MYSM1: variants seen among roughly 807,000 people sequenced by gnomAD.
MYSM1 encodes the protein Myb like, SWIRM and MPN domains 1, also known as deubiquitinase MYSM1.
Under a neutral mutation model 116.0 loss-of-function variants are expected in MYSM1, and 51 were observed. That is an observed-to-expected ratio of 0.44 (90% CI 0.35 to 0.56). MYSM1 has a LOEUF of 0.56. Among genes scored for constraint, MYSM1 ranks in the 20% least tolerant of loss-of-function variants. MYSM1 has a pLI of 0.00. For synonymous variants in MYSM1, 313 were observed against 315.2 expected (o/e 0.99, Z 0.07); for missense variants, 900 against 974.9 (o/e 0.92, Z 1.02).
intron 1 of MYSM1, among the ~76,000 whole-genome samples, chr1:58,696,417 CA>C: frequency 6.6e-6 from 1 of 152,306 alleles, no homozygotes. Flanking sequence ...CCTTTCCTCC[CA>C]AATCTGCTAC....
intron 9 of MYSM1, among the ~76,000 whole-genome samples, chr1:58,676,234 T>C (rs1207676405): frequency 6.7e-6 from 1 of 149,692 alleles, no homozygotes; most frequent in Non-Finnish European, 1.5e-5. Flanking sequence ...CTGGCCAATA[T>C]GGTGAAACCC....
chr1:58,661,050 TA>T, intron 19 of MYSM1, 119 bp downstream of exon 19: 1 of 730,570 alleles, frequency 1.4e-6, no homozygotes, highest in East Asian at 2.7e-5. Flanking sequence ...AAGGAAAAAG[TA>T]ATAAAAGAAA....
rs1644332790 is a variant in MYSM1 at position 58,657,370 on chromosome 1, G to A, written c.*2627C>T. The stretch of plus-strand genomic sequence containing the variant: ...CTTCTGTAAACATTATTAAAGGCAG[G>A]TGTTCCTTTGAGACTCTGCCTCCTG... On this transcript the variant is annotated 3_prime_UTR_variant, in exon 20 of 20. Transcript: ENST00000472487. 6.6e-6 allele frequency: 1 copy of A among 152,094 alleles called. No homozygotes were observed. The highest frequency in any genetic ancestry group is 2.4e-5 in the African/African-American group (1 of 41,400). 9.4% of individuals were successfully genotyped at this position (152,094 alleles called of 1,614,324 possible).
intron 10 of MYSM1, among the ~76,000 whole-genome samples, chr1:58,673,901 G>A (rs573964999): frequency 9.2e-5 from 14 of 152,196 alleles, no homozygotes; most frequent in Non-Finnish European, 1.2e-4. Context: ...TGGGCAGGGT[G>A]TGGGCTGGGT....
At chr1:58,681,121 T>G (rs1644735746) in intron 8 of MYSM1, among the ~76,000 whole-genome samples, 1 of 152,228 alleles carries the variant, frequency 6.6e-6, no homozygotes, top group African/African-American at 2.4e-5. Flanking sequence ...TGAGCCACTG[T>G]GCCCAGCCAG....
chr1:58,690,931 T>C (rs1029702568), intron 3 of MYSM1, among the ~76,000 whole-genome samples: 9 of 152,130 alleles, frequency 5.9e-5, no homozygotes, highest in East Asian at 3.8e-4. Flanking sequence ...TTAATAAAAA[T>C]TGCAAACATT....
intron 6 of MYSM1, 116 bp from the exon 7 acceptor site, chr1:58,685,367 G>C (rs1262041719): frequency 4.7e-6 from 3 of 643,254 alleles, no homozygotes; most frequent in Non-Finnish European, 7.7e-6. Context: ...TTTATTTTCT[G>C]AAGCACACAA....
intron 7 of MYSM1, 107 bp downstream of exon 7, chr1:58,685,046 T>G: frequency 1.1e-6 from 1 of 879,708 alleles, no homozygotes; most frequent in Non-Finnish European, 1.7e-6. Flanking sequence ...TAAAATACTT[T>G]AAAAACTTTT....
intron 1 of MYSM1, among the ~76,000 whole-genome samples, chr1:58,695,487 C>T (rs1202476033): frequency 1.3e-5 from 2 of 152,116 alleles, no homozygotes; most frequent in Non-Finnish European, 2.9e-5. Context: ...ATGAGGAAAA[C>T]AATACCCCAA....
rs775320047 is a variant in MYSM1 at position 58,655,076 on chromosome 1, C to G, written c.*4921G>C. On this transcript the variant is annotated 3_prime_UTR_variant, in exon 20 of 20. Coordinates refer to ENST00000472487, the MANE Select transcript of MYSM1 (RefSeq NM_001085487.3). Reference sequence around the variant, plus strand: ...AAATAGCAACAAGTTTATCAATAACCATGCCATATGTTTAGTAACTAACTT... The same window carrying G: ...AAATAGCAACAAGTTTATCAATAACGATGCCATATGTTTAGTAACTAACTT... The G allele has an allele frequency of 2.0e-5, 3 of 152,062 alleles. No individual in the cohort carries two copies. Among genetic ancestry groups the G allele is most frequent in the Non-Finnish European group, 4.4e-5 (3 of 67,966 alleles). The allele number at this position is 152,062 out of a possible 1,614,324, so 9.4% of individuals were successfully genotyped here.
chr1:58,675,623 A>G lies in MYSM1; in HGVS notation c.1391-43T>C, dbSNP rs751953074. On this transcript the variant is annotated intron_variant, in intron 9 of 19. Coordinates refer to ENST00000472487, the MANE Select transcript of MYSM1 (RefSeq NM_001085487.3). ...AGATAAAACCATCTATTATTTTGTG[A>G]AACTCATTTGTTAAACAGTAAGACA... 8 of 1,502,820 alleles carry G rather than the reference A, an allele frequency of 5.3e-6. No individual in the cohort carries two copies. In the South Asian group the frequency reaches 8.2e-5, roughly 15 times the overall value. 93.1% of individuals were successfully genotyped at this position (1,502,820 alleles called of 1,614,324 possible). A position where few individuals can be genotyped will look rare whatever the true frequency, so the allele number is the denominator to read the frequency against.
At chr1:58,686,299 T>A (rs886132775) in intron 6 of MYSM1, among the ~76,000 whole-genome samples, 1 of 152,238 alleles carries the variant, frequency 6.6e-6, no homozygotes, top group Non-Finnish European at 1.5e-5. Context: ...TAAAAGGGAC[T>A]GTTAGGTATC....
intron 1 of MYSM1, 21 bp downstream of exon 1, chr1:58,699,964 G>C: frequency 6.2e-7 from 1 of 1,613,380 alleles, no homozygotes; most frequent in Non-Finnish European, 8.5e-7. Context: ...GCCCCAGAGA[G>C]ACCCGGTCTC....
At chr1:58,685,325 T>TAAAA in intron 6 of MYSM1, 74 bp from the exon 7 acceptor site, 3 of 633,102 alleles carry the variant, frequency 4.7e-6, no homozygotes, top group African/African-American at 1.9e-5. Flanking sequence ...ACTACCACAT[T>TAAAA]AAAAAAAAAA....
rs781662233 is a variant in MYSM1 at position 58,667,955 on chromosome 1, G to A, written c.1768-34C>T. On this transcript the variant is annotated intron_variant, in intron 14 of 19. Transcript: ENST00000472487. ...AATACAAGACAGACTTAGCCCAAAC[G>A]CACAAACCCACCTGACAAAGTAACA... The A allele has an allele frequency of 3.3e-5, 48 of 1,445,856 alleles. No homozygotes were observed. The South Asian group carries it at 4.6e-4, about 14-fold the overall frequency. The allele number at this position is 1,445,856 out of a possible 1,614,324, so 89.6% of individuals were successfully genotyped here.
chr1:58,661,172 T>C lies in MYSM1; in HGVS notation c.2326A>G (p.Lys776Glu), dbSNP rs1180156537. 6.2e-7 allele frequency: 1 copy of C among 1,611,772 alleles called. No individual in the cohort carries two copies. Among genetic ancestry groups the C allele is most frequent in the East Asian group, 2.2e-5 (1 of 44,846 alleles). ...CAATTAAAATGAAGACAGCTTACTT[T>C]CTGCAAACAAGTCAGGTCAGAATCC... ...RRDSDLTCLQ[K>E]LLECMRKTLS... The change falls in exon 19 of 20, where the codon AAA becomes GAA. Residue 776 changes from lysine (K) to glutamate (E), a missense_variant and splice_region_variant. Physicochemically the swap from Lys to Glu is moderately conservative, Grantham distance 56. Around this residue, in one of 3 missense-constraint regions of MYSM1, gnomAD observed 186 missense variants for 196.2 expected, o/e 0.95. Coordinates refer to ENST00000472487, the MANE Select transcript of MYSM1 (RefSeq NM_001085487.3).
intron 17 of MYSM1, among the ~76,000 whole-genome samples, chr1:58,665,125 T>G (rs1329161688): frequency 6.6e-6 from 1 of 152,204 alleles, no homozygotes; most frequent in Non-Finnish European, 1.5e-5. Context: ...GTGGTCATTT[T>G]TTTTTTCATT....
chr1:58,661,652 G>A lies in MYSM1; in HGVS notation c.2165-141C>T, dbSNP rs114741837. On this transcript the variant is annotated intron_variant, in intron 17 of 19. Coordinates refer to ENST00000472487, the MANE Select transcript of MYSM1 (RefSeq NM_001085487.3). ...CTGAACAGCACTTTAAACATAGTGGGCATTCATTAAATATTTATTGCCCGA... is the reference window on the plus strand; with the variant it reads ...CTGAACAGCACTTTAAACATAGTGGACATTCATTAAATATTTATTGCCCGA... The A allele has an allele frequency of 9.1e-3, 4,891 of 536,816 alleles. 41 individuals carry two copies. The highest frequency in any genetic ancestry group is 0.025 in the South Asian group (883 of 35,754). 33.3% of individuals were successfully genotyped at this position (536,816 alleles called of 1,614,324 possible).
At chr1:58,678,538 CT>C (rs1238563741) in intron 8 of MYSM1, among the ~76,000 whole-genome samples, 13 of 152,238 alleles carry the variant, frequency 8.5e-5, no homozygotes, top group Middle Eastern at 3.4e-3. Context: ...CTTCTATATT[CT>C]GAGCATTGTT....
Sources: allele counts gnomAD v4.1 joint callset (sites outside exome capture counted in the v4.1 genomes callset), GRCh38; gene constraint gnomAD v4.1.1; regional missense constraint gnomAD v4.1.1; transcripts MANE v1.5; gene names NCBI Gene and HGNC (gene_info 2026-07-23, HGNC 2026-07-21).